Variants in FBXO40 observed in about 807,000 individuals in gnomAD.
FBXO40 encodes the protein F-box only protein 40.
A neutral mutation model predicts 49.9 loss-of-function variants in FBXO40; 50 were observed. The ratio of observed to expected loss-of-function variants is 1.00; its 90% confidence interval spans 0.80 to 1.27. FBXO40 has a LOEUF of 1.27. FBXO40 is among the 50% of genes most tolerant of loss of function. The pLI, the probability that FBXO40 is intolerant of heterozygous loss-of-function variation, is 0.00. For missense variants in FBXO40, 895 were observed against 870.1 expected, an observed-to-expected ratio of 1.03 and a Z score of -0.36; for synonymous variants, 340 against 320.2, an observed-to-expected ratio of 1.06 and a Z score of -0.66.
In FBXO40 at chr3:121,627,774, C is replaced by A. The variant is rs2049070550; in HGVS notation, c.*864C>A. 3 of 398,442 alleles carry A rather than the reference C, an allele frequency of 7.5e-6. No individual in the cohort carries two copies. The highest frequency in any genetic ancestry group is 1.3e-4 in the South Asian group (1 of 7,822). 24.7% of individuals were successfully genotyped at this position (398,442 alleles called of 1,614,324 possible). A position where few individuals can be genotyped will look rare whatever the true frequency, so the allele number is the denominator to read the frequency against. Reference sequence around the variant, plus strand: ...ATGGCCCTGGGCCACCCTGTGCTATCTGAAATGACCTCAATACACTAATGC... The same window carrying A: ...ATGGCCCTGGGCCACCCTGTGCTATATGAAATGACCTCAATACACTAATGC... On this transcript the variant is annotated 3_prime_UTR_variant, in exon 4 of 4. Transcript: ENST00000338040.
rs1054717628 is a variant in FBXO40 at position 121,603,440 on chromosome 3, G to A, written c.-31+9938G>A. Among the ~76,000 whole-genome samples, 3 of 152,234 alleles carry A rather than the reference G, an allele frequency of 2.0e-5. No homozygotes were observed. In the South Asian group the frequency reaches 6.2e-4, roughly 32 times the overall value. ...TGCTCACTAAAGGTAGTGGCTGTCA[G>A]TGTTATCGATGACCATCAATCCTTT... is the stretch of plus-strand genomic sequence containing the variant. On this transcript the variant is annotated intron_variant, in intron 1 of 3. Coordinates refer to ENST00000338040, the MANE Select transcript of FBXO40 (RefSeq NM_016298.4).
chr3:121,615,573 A>G (rs2048993009), intron 1 of FBXO40, among the ~76,000 whole-genome samples: 1 of 151,760 alleles, frequency 6.6e-6, no homozygotes, highest in South Asian at 2.1e-4. Context: ...AAAAAAAAAA[A>G]AAAAAGAAGA....
intron 1 of FBXO40, 87 bp from the exon 2 acceptor site, chr3:121,620,459 T>C: frequency 8.6e-7 from 1 of 1,169,284 alleles, no homozygotes; most frequent in East Asian, 2.4e-5. Flanking sequence ...TTAAATGAGA[T>C]AGTGTGTGAA....
chr3:121,625,750 T>G (rs1411539729), intron 3 of FBXO40, among the ~76,000 whole-genome samples: 1 of 152,130 alleles, frequency 6.6e-6, no homozygotes, highest in Non-Finnish European at 1.5e-5. Flanking sequence ...TAAAGAAAAT[T>G]TAGTTGGGGC....
intron 1 of FBXO40, among the ~76,000 whole-genome samples, chr3:121,615,016 G>A (rs570000287): frequency 6.6e-6 from 1 of 152,224 alleles, no homozygotes; most frequent in East Asian, 1.9e-4. Flanking sequence ...TCAGGAGATC[G>A]AGACTATCCT....
rs1576455759 is a variant in FBXO40 at position 121,621,996 on chromosome 3, T to C, written c.567T>C (p.Asn189=). Residue 189 remains asparagine (N), a synonymous_variant, in exon 3 of 4, where the codon AAT becomes AAC. Coordinates refer to ENST00000338040, the MANE Select transcript of FBXO40 (RefSeq NM_016298.4). ...TACCACATGGTCTGTCAGCAACTAA[T>C]GGGGAGATGGCAGAGCTAAGTCAAG... ...GLVPHGLSAT[N]GEMAELSQEE... 6.2e-7 allele frequency: 1 copy of C among 1,614,024 alleles called. No individual in the cohort carries two copies. Among genetic ancestry groups the C allele is most frequent in the Non-Finnish European group, 8.5e-7 (1 of 1,180,000 alleles).
At chr3:121,605,137 TAA>T (rs34749653) in intron 1 of FBXO40, among the ~76,000 whole-genome samples, 25,426 of 151,914 alleles carry the variant, frequency 0.17, 2,528 homozygotes, top group Admixed American at 0.33. Flanking sequence ...CACACCTGGA[TAA>T]TTGGCCAGGC....
At chr3:121,599,145 C>T (rs1455302372) in intron 1 of FBXO40, among the ~76,000 whole-genome samples, 1 of 152,016 alleles carries the variant, frequency 6.6e-6, no homozygotes, top group Non-Finnish European at 1.5e-5. Context: ...GAACATACTG[C>T]TTTTTCAGAC....
At position 121,626,931 on chromosome 3, in the gene FBXO40, G is replaced by A. The variant is rs1454331960; in HGVS notation, c.*21G>A. 1 of 1,608,256 alleles carries A rather than the reference G, an allele frequency of 6.2e-7. No individual in the cohort carries two copies. On this transcript the variant is annotated 3_prime_UTR_variant, in exon 4 of 4. Transcript: ENST00000338040. ...CCTAAAAATTCAGATGCCACTCGAT[G>A]CACCCTTCTTGGATTTCTTCTCGGA...
At chr3:121,606,652 G>A (rs2048933364) in intron 1 of FBXO40, among the ~76,000 whole-genome samples, 1 of 152,164 alleles carries the variant, frequency 6.6e-6, no homozygotes, top group Non-Finnish European at 1.5e-5. Context: ...TTGCAGTTAG[G>A]AAAGGCCTTC....
At position 121,623,083 on chromosome 3, in the gene FBXO40, G is replaced by C. The variant is rs141908054; in HGVS notation, c.1654G>C (p.Glu552Gln). 772 of 1,614,212 alleles carry C rather than the reference G, an allele frequency of 4.8e-4. 2 individuals are homozygous for C. The African/African-American group carries it at 9.3e-3, about 19-fold the overall frequency. ...TFAIKPEVAP[E>Q]LSEGRKNNHL... ...TGCCATTAAGCCGGAGGTTGCTCCA[G>C]AGCTGAGCGAGGGAAGGAAGAACAA... The change falls in exon 3 of 4, where the codon GAG (glutamate) becomes CAG (glutamine). Residue 552 changes from glutamate to glutamine, a missense_variant. By Grantham distance (29) the Glu-to-Gln change is conservative. Coordinates refer to ENST00000338040, the MANE Select transcript of FBXO40 (RefSeq NM_016298.4).
intron 1 of FBXO40, among the ~76,000 whole-genome samples, chr3:121,613,054 A>C (rs1373667936): frequency 6.8e-6 from 1 of 147,174 alleles, no homozygotes; most frequent in African/African-American, 2.5e-5. Context: ...TGGGCGACAG[A>C]GCAAGACTCC....
intron 3 of FBXO40, among the ~76,000 whole-genome samples, chr3:121,623,608 C>T (rs115943255): frequency 0.011 from 1,655 of 152,056 alleles, 12 homozygotes; most frequent in Middle Eastern, 0.017. Flanking sequence ...CTCAAGTGAT[C>T]CTCCCATATC....
chr3:121,616,274 C>A (rs936792470), intron 1 of FBXO40, among the ~76,000 whole-genome samples: 4 of 152,116 alleles, frequency 2.6e-5, no homozygotes, highest in Non-Finnish European at 5.9e-5. Context: ...GGGTCCAGAA[C>A]AAGGGTTCTC....
intron 1 of FBXO40, among the ~76,000 whole-genome samples, chr3:121,604,778 GTTAC>G (rs1047062812): frequency 4.7e-4 from 72 of 152,162 alleles, no homozygotes; most frequent in African/African-American, 1.3e-3. Context: ...CTCACAGGCT[GTTAC>G]TTACAGCCCA....
chr3:121,617,371 G>A (rs1172978959), intron 1 of FBXO40, among the ~76,000 whole-genome samples: 2 of 151,976 alleles, frequency 1.3e-5, no homozygotes, highest in Non-Finnish European at 2.9e-5. Flanking sequence ...TGAGGCGGGC[G>A]GATCACGAGG....
At position 121,615,427 on chromosome 3, in the gene FBXO40, G is replaced by A. The variant is rs146961544; in HGVS notation, c.-30-5119G>A. On this transcript the variant is annotated intron_variant, in intron 1 of 3. Transcript: ENST00000338040. ...TTAAATTAGCCAGGCATGGTGGTGC[G>A]CGCCTTTAATCCCAGCTACTGGGAG... Among the ~76,000 whole-genome samples the A allele has an allele frequency of 2.5e-3, 382 of 150,942 alleles. 1 individual carries two copies. Among genetic ancestry groups the A allele is most frequent in the Middle Eastern group, 6.8e-3 (2 of 294 alleles).
At chr3:121,614,986 G>A (rs556369203) in intron 1 of FBXO40, among the ~76,000 whole-genome samples, 2 of 152,254 alleles carry the variant, frequency 1.3e-5, no homozygotes, top group East Asian at 1.9e-4. Context: ...TCGGGAGGCC[G>A]AGGCTGGTGG....
chr3:121,597,033 C>T (rs1179843409), intron 1 of FBXO40, among the ~76,000 whole-genome samples: 1 of 152,146 alleles, frequency 6.6e-6, no homozygotes, highest in Non-Finnish European at 1.5e-5. Flanking sequence ...GTCAGACCTC[C>T]TTCCACTGCC....
Sources: allele counts gnomAD v4.1 joint callset (sites outside exome capture counted in the v4.1 genomes callset), GRCh38; gene constraint gnomAD v4.1.1; transcripts MANE v1.5; gene names NCBI Gene and HGNC (gene_info 2026-07-23, HGNC 2026-07-21).